The following TAOK1 variants were observed in gnomAD, a reference collection of about 807,000 sequenced individuals.
TAOK1 encodes the protein TAO kinase 1.
TAOK1 carries 21 observed loss-of-function variants against 138.3 expected under a neutral mutation model. The ratio of observed to expected loss-of-function variants is 0.15; its 90% CI spans 0.11 to 0.22. TAOK1 has a LOEUF of 0.22. Ranked by LOEUF, TAOK1 falls within the 10% of genes least tolerant of loss-of-function variation. TAOK1 has a pLI of 1.00. For synonymous variants in TAOK1, 361 were observed against 398.4 expected (o/e 0.91, Z 1.12); for missense variants, 651 against 1,227.7 (o/e 0.53, Z 7.02).
intron 1 of TAOK1, 37 bp downstream of exon 1, chr17:29,391,061 A>AG (rs1350026971): frequency 1.1e-5 from 1 of 93,066 alleles, no homozygotes; most frequent in African/African-American, 4.2e-5. Context: ...GGGGATATAG[A>AG]GGGGGGCGGG....
In TAOK1 at chr17:29,491,673, T is replaced by TA. The variant is rs2031297645; in HGVS notation, c.750-109dup. 4.0e-6 allele frequency: 3 copies of TA among 749,532 alleles called. No individual in the cohort carries two copies. In the East Asian group the frequency reaches 7.4e-5, roughly 19 times the overall value. 46.4% of individuals were successfully genotyped at this position (749,532 alleles called of 1,614,324 possible). A position where few individuals can be genotyped will look rare whatever the true frequency, so the allele number is the denominator to read the frequency against. ...AAACTGTATAGTCTCTGCTTTTTTTTAATCATTCCCTTTCCATTTCCCCTC... is the reference window on the plus strand; with the variant it reads ...AAACTGTATAGTCTCTGCTTTTTTTTAAATCATTCCCTTTCCATTTCCCCTC... On this transcript the variant is annotated intron_variant, in intron 9 of 19. Coordinates refer to ENST00000261716, the MANE Select transcript of TAOK1 (RefSeq NM_020791.4).
intron 2 of TAOK1, among the ~76,000 whole-genome samples, chr17:29,454,920 A>C (rs562518267): frequency 6.6e-6 from 1 of 150,852 alleles, no homozygotes; most frequent in Admixed American, 6.6e-5. Context: ...CCAGGATGGT[A>C]TTTTTTGTTT....
intron 1 of TAOK1, among the ~76,000 whole-genome samples, chr17:29,407,503 G>A (rs970745796): frequency 2.0e-5 from 3 of 150,856 alleles, no homozygotes; most frequent in Non-Finnish European, 3.0e-5. Context: ...TGGAGTGCAG[G>A]GGCACAATCA....
intron 17 of TAOK1, among the ~76,000 whole-genome samples, chr17:29,524,637 C>T (rs2031976934): frequency 6.6e-6 from 1 of 152,178 alleles, no homozygotes; most frequent in Admixed American, 6.5e-5. Flanking sequence ...TTTACTTAGT[C>T]AACTTGAACA....
intron 10 of TAOK1, among the ~76,000 whole-genome samples, chr17:29,494,334 A>G (rs1167385159): frequency 7.9e-5 from 12 of 151,264 alleles, no homozygotes; most frequent in Admixed American, 7.9e-4. Context: ...GTTTAACTCT[A>G]CCCCCCACCC....
At chr17:29,426,132 A>G (rs944038757) in intron 1 of TAOK1, among the ~76,000 whole-genome samples, 10 of 152,214 alleles carry the variant, frequency 6.6e-5, no homozygotes, top group South Asian at 2.1e-4. Context: ...CACCTGCCTC[A>G]GCCTCCCAAA....
At chr17:29,464,443 C>CAAAAAAAAAAAA in intron 2 of TAOK1, among the ~76,000 whole-genome samples, 1 of 60,570 alleles carries the variant, frequency 1.7e-5, no homozygotes, top group Non-Finnish European at 3.3e-5. Flanking sequence ...GACTCCATCT[C>CAAAAAAAAAAAA]AAAAAAAAAA....
At chr17:29,515,522 C>T (rs889594968) in intron 15 of TAOK1, among the ~76,000 whole-genome samples, 2 of 152,064 alleles carry the variant, frequency 1.3e-5, no homozygotes, top group Admixed American at 6.6e-5. Flanking sequence ...CTTTCCTTTC[C>T]GATTGAGTGG....
chr17:29,397,661 T>TATAC (rs1287958937), intron 1 of TAOK1, among the ~76,000 whole-genome samples: 25 of 114,104 alleles, frequency 2.2e-4, no homozygotes, highest in African/African-American at 6.5e-4. Context: ...TATATTCATG[T>TATAC]ATGATACATG....
At position 29,517,515 on chromosome 17, in the gene TAOK1, G is replaced by A. The variant is rs1490366871; in HGVS notation, c.1767G>A (p.Lys589=). ...KEKQEWLSKQ[K]ENIQHFQAEE... ...AACAGGAGTGGCTTTCAAAGCAGAA[G>A]GAGAATATACAGCATTTCCAAGCAG... The change falls in exon 16 of 20, where the codon AAG becomes AAA. Residue 589 remains lysine (K), a synonymous_variant. Transcript: ENST00000261716. 4.3e-6 allele frequency: 7 copies of A among 1,613,876 alleles called. 1 individual carries two copies. The highest frequency in any genetic ancestry group is 2.7e-5 in the African/African-American group (2 of 74,880).
chr17:29,403,126 A>T (rs1904896567), intron 1 of TAOK1, among the ~76,000 whole-genome samples: 1 of 132,200 alleles, frequency 7.6e-6, no homozygotes, highest in Non-Finnish European at 1.5e-5. Context: ...GTGCCATTGC[A>T]CTCCAGCCTG....
intron 1 of TAOK1, among the ~76,000 whole-genome samples, chr17:29,446,784 G>C (rs904318953): frequency 1.3e-5 from 2 of 149,546 alleles, no homozygotes; most frequent in Non-Finnish European, 3.0e-5. Context: ...TGTTTCCCAG[G>C]CTGGAGTACA....
chr17:29,534,357 T>A (rs1359014275), intron 19 of TAOK1, 57 bp downstream of exon 19: 1 of 1,389,938 alleles, frequency 7.2e-7, no homozygotes, highest in Non-Finnish European at 9.5e-7. Flanking sequence ...TCAGAAGCGT[T>A]TTATAAATAT....
At chr17:29,496,086 TTTTTTTA>T (rs1175441332) in intron 11 of TAOK1, among the ~76,000 whole-genome samples, 1 of 151,870 alleles carries the variant, frequency 6.6e-6, no homozygotes, top group African/African-American at 2.4e-5. Flanking sequence ...ACTGAACCTG[TTTTTTTA>T]TTTTTTAATT....
At chr17:29,409,417 C>T (rs1275275995) in intron 1 of TAOK1, among the ~76,000 whole-genome samples, 1 of 147,796 alleles carries the variant, frequency 6.8e-6, no homozygotes, top group Non-Finnish European at 1.5e-5. Context: ...TCACTGCAAG[C>T]TCCGCCTCCC....
chr17:29,503,851 C>T (rs1206739181), intron 13 of TAOK1, among the ~76,000 whole-genome samples: 2 of 152,056 alleles, frequency 1.3e-5, no homozygotes, highest in African/African-American at 2.4e-5. Context: ...TAGCTCACAC[C>T]TCTAATCCCA....
At chr17:29,448,022 T>C (rs1434761698) in intron 1 of TAOK1, among the ~76,000 whole-genome samples, 1 of 150,460 alleles carries the variant, frequency 6.6e-6, no homozygotes, top group Non-Finnish European at 1.5e-5. Flanking sequence ...GAGTTTATCT[T>C]TTTTTTTATT....
intron 12 of TAOK1, among the ~76,000 whole-genome samples, chr17:29,502,175 T>G (rs2153028649): frequency 6.6e-6 from 1 of 152,372 alleles, no homozygotes; most frequent in East Asian, 1.9e-4. Flanking sequence ...GGCTTCCACC[T>G]GTCATCCTAG....
At chr17:29,534,931 GTGT>G (rs2032197940) in intron 19 of TAOK1, among the ~76,000 whole-genome samples, 3 of 68,334 alleles carry the variant, frequency 4.4e-5, no homozygotes, top group Non-Finnish European at 1.2e-4. Context: ...ATACTAAGGT[GTGT>G]GTGTGTGTGT....
Sources: gnomAD v4.1 joint callset for allele counts (sites outside exome capture counted in the v4.1 genomes callset) on GRCh38, gnomAD v4.1.1 for gene constraint, MANE v1.5 for transcripts, NCBI Gene and HGNC (gene_info 2026-07-23, HGNC 2026-07-21) for gene names.